The following SUPT3H variants were observed in gnomAD, a reference collection of about 807,000 sequenced individuals.
The protein encoded by SUPT3H is transcription initiation protein SPT3 homolog.
A neutral mutation model predicts 44.3 loss-of-function variants in SUPT3H; 44 were observed. The observed-to-expected ratio is 0.99, with a 90% CI of 0.78 to 1.28. SUPT3H has a LOEUF of 1.28. Ranked by LOEUF, SUPT3H falls within the 50% of genes most tolerant of loss-of-function variation. The pLI is 0.00. For synonymous variants in SUPT3H, 124 were observed against 125.6 expected, an observed-to-expected ratio of 0.99 and a Z score of 0.09; for missense variants, 380 against 387.1, an observed-to-expected ratio of 0.98 and a Z score of 0.15.
intron 3 of SUPT3H, among the ~76,000 whole-genome samples, chr6:45,038,359 T>A (rs765339390): frequency 2.0e-5 from 3 of 152,164 alleles, no homozygotes; most frequent in Non-Finnish European, 4.4e-5. Context: ...ATATGACAAG[T>A]TGTAAAATCA....
chr6:45,328,708 G>C, intron 2 of SUPT3H: 1 of 1,599,064 alleles, frequency 6.3e-7, no homozygotes, highest in Non-Finnish European at 8.5e-7. Context: ...AGTTCTATCT[G>C]AAAAAAAAAG....
At chr6:44,967,953 C>T (rs918433494) in intron 6 of SUPT3H, among the ~76,000 whole-genome samples, 1 of 151,978 alleles carries the variant, frequency 6.6e-6, no homozygotes, top group Non-Finnish European at 1.5e-5. Flanking sequence ...TCAGGCCTGG[C>T]AAATTGTTTT....
intron 10 of SUPT3H, among the ~76,000 whole-genome samples, chr6:44,861,208 C>G (rs1774602596): frequency 6.6e-6 from 1 of 152,118 alleles, no homozygotes; most frequent in Middle Eastern, 3.2e-3. Flanking sequence ...TCCTGAGTAG[C>G]TAGGACTACA....
chr6:45,312,006 A>C (rs1411526245), intron 2 of SUPT3H, among the ~76,000 whole-genome samples: 1 of 152,212 alleles, frequency 6.6e-6, no homozygotes, highest in Non-Finnish European at 1.5e-5. Flanking sequence ...AAATGGCCTA[A>C]ATGCTCCACT....
At chr6:45,351,304 A>C (rs1471764951) in intron 2 of SUPT3H, among the ~76,000 whole-genome samples, 1 of 152,078 alleles carries the variant, frequency 6.6e-6, no homozygotes, top group Admixed American at 6.5e-5. Context: ...CTAACCCATC[A>C]AGATCACAAC....
intron 10 of SUPT3H, among the ~76,000 whole-genome samples, chr6:44,900,075 G>T (rs1341093567): frequency 6.6e-6 from 1 of 152,226 alleles, no homozygotes; most frequent in Non-Finnish European, 1.5e-5. Context: ...AACAGCTCCA[G>T]TCTACAGCTC....
chr6:44,978,489 A>G (rs927519515), intron 6 of SUPT3H, among the ~76,000 whole-genome samples: 1 of 152,236 alleles, frequency 6.6e-6, no homozygotes, highest in African/African-American at 2.4e-5. Flanking sequence ...AGACAAGTAT[A>G]CTACAAACAG....
At chr6:44,956,958 T>G (rs1775309734) in intron 7 of SUPT3H, among the ~76,000 whole-genome samples, 1 of 152,204 alleles carries the variant, frequency 6.6e-6, no homozygotes, top group African/African-American at 2.4e-5. Context: ...ACCAAGCATA[T>G]ACAGAACCAA....
At chr6:45,310,272 C>A (rs1017820994) in intron 2 of SUPT3H, among the ~76,000 whole-genome samples, 7 of 152,110 alleles carry the variant, frequency 4.6e-5, no homozygotes, top group Admixed American at 1.3e-4. Context: ...GTAGCCACAG[C>A]AAGACGGCCC....
At chr6:44,878,796 G>A (rs977629320) in intron 10 of SUPT3H, among the ~76,000 whole-genome samples, 4 of 152,066 alleles carry the variant, frequency 2.6e-5, no homozygotes, top group East Asian at 3.9e-4. Context: ...AGGGTGGGGC[G>A]TTCCCTCACC....
Position 45,072,933 on chromosome 6 carries a change from A to T in SUPT3H, c.186+32989T>A, listed in dbSNP as rs59864100. On this transcript the variant is annotated intron_variant, in intron 3 of 10. Coordinates refer to ENST00000371459, the MANE Select transcript of SUPT3H (RefSeq NM_003599.4). Reference sequence around the variant, plus strand: ...CAAACATCAGAAAGTTAAAAAGTTTAAAAAAAAAGTACATCTTAGAAGCCA... The same window carrying T: ...CAAACATCAGAAAGTTAAAAAGTTTTAAAAAAAAGTACATCTTAGAAGCCA... 6.0e-3 allele frequency among the ~76,000 whole-genome samples: 912 copies of T among 151,558 alleles called. 13 individuals carry two copies. The highest frequency in any genetic ancestry group is 0.021 in the African/African-American group (868 of 41,368).
At chr6:45,158,046 T>C (rs1808147513) in intron 2 of SUPT3H, among the ~76,000 whole-genome samples, 1 of 147,268 alleles carries the variant, frequency 6.8e-6, no homozygotes. Context: ...AAGAATCACA[T>C]TTATAATTTA....
At chr6:45,161,412 C>T (rs955131870) in intron 2 of SUPT3H, among the ~76,000 whole-genome samples, 10 of 152,134 alleles carry the variant, frequency 6.6e-5, no homozygotes, top group Non-Finnish European at 1.5e-4. Flanking sequence ...CTGATCTCTA[C>T]GTAGGGCAAT....
intron 3 of SUPT3H, among the ~76,000 whole-genome samples, chr6:45,077,406 C>T (rs1005185270): frequency 2.9e-4 from 44 of 151,818 alleles, no homozygotes; most frequent in Admixed American, 9.2e-4. Context: ...GTGGGAGGAT[C>T]GCTTAAGTCC....
At position 44,828,516 on chromosome 6, in the gene SUPT3H, CAG is replaced by C. The variant is rs1437940478; in HGVS notation, c.*1298_*1299del. ...AAAAGTCTTGAATTTAAAATTGAAA[CAG>C]TGTTTTTGAATCGCAACTATTACAA... On this transcript the variant is annotated 3_prime_UTR_variant, in exon 11 of 11. Transcript: ENST00000371459. Among the ~76,000 whole-genome samples, 3 of 152,106 alleles carry C rather than the reference CAG, an allele frequency of 2.0e-5. No individual in the cohort carries two copies. The highest frequency in any genetic ancestry group is 4.4e-5 in the Non-Finnish European group (3 of 67,988).
downstream of SUPT3H, among the ~76,000 whole-genome samples, chr6:44,826,025 A>G (rs182740423): frequency 1.2e-4 from 19 of 152,326 alleles, no homozygotes; most frequent in African/African-American, 4.1e-4. Context: ...TTTACTATCT[A>G]TCTTGCTCTG....
chr6:44,938,646 C>A lies in SUPT3H; in HGVS notation c.802-5883G>T, dbSNP rs1300342125. ...TATTTTGATAGAGATTGCACTGGAT[C>A]TGTACAATGCTTTGGGCAGTATAAT... On this transcript the variant is annotated intron_variant, in intron 9 of 10. Coordinates refer to ENST00000371459, the MANE Select transcript of SUPT3H (RefSeq NM_003599.4). Among the ~76,000 whole-genome samples, 3 of 151,978 alleles carry A rather than the reference C, an allele frequency of 2.0e-5. No homozygotes were observed. The East Asian group carries it at 5.8e-4, about 29-fold the overall frequency.
At chr6:45,050,278 A>AGTGTGTGTGTGTGT (rs57510967) in intron 3 of SUPT3H, among the ~76,000 whole-genome samples, 7,279 of 147,336 alleles carry the variant, frequency 0.049, 224 homozygotes, top group Admixed American at 0.072. Flanking sequence ...CTTTTTCTGC[A>AGTGTGTGTGTGTGT]GTGTGTGTGT....
chr6:44,854,623 C>T (rs1195500303), intron 10 of SUPT3H, among the ~76,000 whole-genome samples: 1 of 152,144 alleles, frequency 6.6e-6, no homozygotes, highest in Non-Finnish European at 1.5e-5. Context: ...CTTTACGCTT[C>T]TTGCAGATCC....
Sources: allele counts gnomAD v4.1 joint callset (sites outside exome capture counted in the v4.1 genomes callset), GRCh38; gene constraint gnomAD v4.1.1; transcripts MANE v1.5; gene names NCBI Gene and HGNC (gene_info 2026-07-23, HGNC 2026-07-21).